PCNT: variants seen among roughly 807,000 people sequenced by gnomAD.
PCNT encodes the protein kendrin.
A neutral mutation model predicts 380.4 loss-of-function variants in PCNT; 319 were observed. The observed-to-expected ratio is 0.84, with a 90% CI of 0.77 to 0.92. The LOEUF is 0.92. PCNT is among the 40% of genes least tolerant of loss of function. The pLI is 0.00. For missense variants in PCNT, 4,400 were observed against 4,255.3 expected, an observed-to-expected ratio of 1.03 and a Z score of -0.95; for synonymous variants, 1,845 against 1,735.2, an observed-to-expected ratio of 1.06 and a Z score of -1.57.
chr21:46,366,638 C>T lies in PCNT; in HGVS notation c.2664C>T (p.Ala888=), dbSNP rs955412232. 6.2e-7 allele frequency: 1 copy of T among 1,614,076 alleles called. No individual in the cohort carries two copies. Among genetic ancestry groups the T allele is most frequent in the Non-Finnish European group, 8.5e-7 (1 of 1,180,008 alleles). ...ITEKFSAEQD[A]FLQEAQEQHA... ...AGAAATTCAGTGCGGAACAAGATGC[C>T]TTCCTGCAGGAGGCCCAGGAGCAGC... Residue 888 remains alanine (A), a synonymous_variant, in exon 15 of 47, where the codon GCC becomes GCT. Coordinates refer to ENST00000359568, the MANE Select transcript of PCNT (RefSeq NM_006031.6).
chr21:46,386,002 C>T lies in PCNT; in HGVS notation c.3464+19C>T, dbSNP rs2085818899. 1.2e-6 allele frequency: 2 copies of T among 1,613,352 alleles called. No homozygotes were observed. The highest frequency in any genetic ancestry group is 1.3e-5 in the African/African-American group (1 of 74,932). On this transcript the variant is annotated intron_variant, in intron 17 of 46. Coordinates refer to ENST00000359568, the MANE Select transcript of PCNT (RefSeq NM_006031.6). ...GCGAAAGGTCAGTGTGTCCTCGGCA[C>T]CGAGGCTGCCTTGTGGCCGCCAGCA...
At chr21:46,349,606 GCAC>G in intron 7 of PCNT, 75 bp from the exon 8 acceptor site, 1 of 1,478,442 alleles carries the variant, frequency 6.8e-7, no homozygotes. Context: ...CGCTCTGGGT[GCAC>G]CATTATTGTC....
chr21:46,415,345 T>G (rs912184181), intron 29 of PCNT, among the ~76,000 whole-genome samples: 2 of 149,746 alleles, frequency 1.3e-5, no homozygotes, highest in African/African-American at 4.9e-5. Flanking sequence ...GGGGCCCTCA[T>G]GACAGGAACG....
chr21:46,418,427 C>G (rs1475199680), intron 31 of PCNT, 121 bp downstream of exon 31: 16 of 712,322 alleles, frequency 2.2e-5, no homozygotes, highest in Non-Finnish European at 3.0e-5. Context: ...ACCTCCACCC[C>G]GGCTCTGCGC....
rs1569278386 is a variant in PCNT, at chr21:46,416,629, G to C, written c.6711G>C (p.Glu2237Asp). 1.3e-6 allele frequency: 2 copies of C among 1,576,110 alleles called. No individual in the cohort carries two copies. Among genetic ancestry groups the C allele is most frequent in the African/African-American group, 2.7e-5 (2 of 73,954 alleles). The change falls in exon 30 of 47, where the codon GAG becomes GAC. Residue 2237 changes from glutamate to aspartate, a missense_variant. Coordinates refer to ENST00000359568, the MANE Select transcript of PCNT (RefSeq NM_006031.6). Reference protein sequence around the residue: ...PEVLRKDWTLEPWPSLPVTPH... With the variant: ...PEVLRKDWTLDPWPSLPVTPH... ...TCCTCAGGAAGGACTGGACCCTGGA[G>C]CCCTGGCCCAGCCTCCCCGTGACAC...
Position 46,431,137 on chromosome 21 carries a change from C to T in PCNT, c.8065-392C>T. On this transcript the variant is annotated intron_variant, in intron 37 of 46. Transcript: ENST00000359568. ...GCAAGCTGGGTGTGTATCTCTGAGC[C>T]TCTGGTGGAGTGATTTTCTGAAGAG... The T allele has an allele frequency of 3.4e-6, 4 of 1,186,628 alleles. No individual in the cohort carries two copies. In the South Asian group the frequency reaches 7.1e-5, roughly 21 times the overall value. The allele number at this position is 1,186,628 out of a possible 1,614,324, so 73.5% of individuals were successfully genotyped here.
intron 3 of PCNT, among the ~76,000 whole-genome samples, chr21:46,344,312 G>T (rs1258116644): frequency 1.3e-5 from 2 of 152,058 alleles, no homozygotes; most frequent in African/African-American, 2.4e-5. Context: ...CTGACCTCAT[G>T]ATCCACCTGC....
chr21:46,326,540 C>T lies in PCNT; in HGVS notation c.218C>T (p.Thr73Ile). 6.2e-7 allele frequency: 1 copy of T among 1,614,162 alleles called. No homozygotes were observed. The highest frequency in any genetic ancestry group is 8.5e-7 in the Non-Finnish European group (1 of 1,180,026). Residue 73 changes from threonine (T) to isoleucine (I), a missense_variant, in exon 2 of 47, where the codon ACA (threonine) becomes ATA (isoleucine). Physicochemically the swap from Thr to Ile is moderately conservative, Grantham distance 89. Coordinates refer to ENST00000359568, the MANE Select transcript of PCNT (RefSeq NM_006031.6). ...GGAGGAGGGGACATTTGCAAAAGCA[C>T]ATCATGTGACGACACCCCTGATGGG... ...LCGGGDICKS[T>I]SCDDTPDGAG...
chr21:46,436,970 T>G lies in PCNT; in HGVS notation c.8997-9T>G. ...GTATGCAACTTTGAGTGCCCATTTA[T>G]TTTTACAGGACAGTTAATGATTGGA... On this transcript the variant is annotated splice_polypyrimidine_tract_variant and intron_variant, in intron 39 of 46. Coordinates refer to ENST00000359568, the MANE Select transcript of PCNT (RefSeq NM_006031.6). 1 of 1,607,768 alleles carries G rather than the reference T, an allele frequency of 6.2e-7. No homozygotes were observed. Among genetic ancestry groups the G allele is most frequent in the Non-Finnish European group, 8.5e-7 (1 of 1,174,192 alleles).
rs538461877 is a variant in PCNT, at chr21:46,356,426, T to C, written c.1937-548T>C. 2.6e-5 allele frequency among the ~76,000 whole-genome samples: 4 copies of C among 152,384 alleles called. No individual in the cohort carries two copies. In the East Asian group the frequency reaches 7.7e-4, roughly 29 times the overall value. ...AGCCACCCCTTGATGCCCATGGTCG[T>C]TGGCACCACTGGTGCCTGGCCAGCA... is the stretch of plus-strand genomic sequence containing the variant. On this transcript the variant is annotated intron_variant, in intron 12 of 46. Coordinates refer to ENST00000359568, the MANE Select transcript of PCNT (RefSeq NM_006031.6).
chr21:46,413,674 C>T (rs1350876352), intron 29 of PCNT, among the ~76,000 whole-genome samples: 1 of 152,204 alleles, frequency 6.6e-6, no homozygotes, highest in African/African-American at 2.4e-5. Context: ...CCCCGTGGGC[C>T]TCACCTCAGC....
In PCNT at chr21:46,436,157, C is replaced by T. The variant is rs1162638783; in HGVS notation, c.8996+9C>T. The T allele has an allele frequency of 1.2e-6, 2 of 1,604,492 alleles. No individual in the cohort carries two copies. The highest frequency in any genetic ancestry group is 1.3e-5 in the African/African-American group (1 of 74,906). ...AGCCAGGCCGTGGACAGGTGTGCAC[C>T]CACGCCACCTGGCGCTCACTGGTCC... is the stretch of plus-strand genomic sequence containing the variant. On this transcript the variant is annotated intron_variant, in intron 39 of 46. Coordinates refer to ENST00000359568, the MANE Select transcript of PCNT (RefSeq NM_006031.6).
At position 46,431,999 on chromosome 21, in the gene PCNT, G is replaced by C. The variant is rs1365531045; in HGVS notation, c.8535G>C (p.Ser2845=). ...AGGAGGTAAGTGCCACACTGAAGTCGACGGTGGAAGCCCTGCACACCCAAA... is the reference window on the plus strand; with the variant it reads ...AGGAGGTAAGTGCCACACTGAAGTCCACGGTGGAAGCCCTGCACACCCAAA... ...REKEVSATLK[S]TVEALHTQKR... The change falls in exon 38 of 47, where the codon TCG becomes TCC. Residue 2845 remains serine (S), a synonymous_variant. Coordinates refer to ENST00000359568, the MANE Select transcript of PCNT (RefSeq NM_006031.6). 2 of 1,613,800 alleles carry C rather than the reference G, an allele frequency of 1.2e-6. No individual in the cohort carries two copies. The highest frequency in any genetic ancestry group is 1.7e-5 in the Admixed American group (1 of 60,012).
At position 46,366,796 on chromosome 21, in the gene PCNT, T is replaced by C; in HGVS notation, c.2822T>C (p.Leu941Pro). 19 of 1,613,788 alleles carry C rather than the reference T, an allele frequency of 1.2e-5. No homozygotes were observed. Among genetic ancestry groups the C allele is most frequent in the Non-Finnish European group, 1.6e-5 (19 of 1,180,042 alleles). ...TCCTTAGAGAGCAAGCAGGGGGCTC[T>C]GCTGGCTGCACGTGTGGCCGAACTG... ...TASLESKQGA[L>P]LAARVAELQT... The change falls in exon 15 of 47, where the codon CTG (leucine) becomes CCG (proline). Residue 941 changes from leucine to proline, a missense_variant. Coordinates refer to ENST00000359568, the MANE Select transcript of PCNT (RefSeq NM_006031.6).
rs905028150 is a variant in PCNT at position 46,355,458 on chromosome 21, C to T, written c.1768C>T (p.Leu590=). 3 of 1,613,826 alleles carry T rather than the reference C, an allele frequency of 1.9e-6. No individual in the cohort carries two copies. The highest frequency in any genetic ancestry group is 2.5e-6 in the Non-Finnish European group (3 of 1,180,024). Residue 590 remains leucine, a synonymous_variant, in exon 12 of 47, where the codon CTG becomes TTG. Transcript: ENST00000359568. ...CCACGTGGTTTCTCTGTAGGAGAGCCTGCCACGCTTCCAGGCGGAGTTAGA... is the reference window on the plus strand; with the variant it reads ...CCACGTGGTTTCTCTGTAGGAGAGCTTGCCACGCTTCCAGGCGGAGTTAGA... The part of the protein sequence containing the change: ...ELEPERHKES[L]PRFQAELEES...
Position 46,331,728 on chromosome 21 carries a change from T to C in PCNT, c.268-2669T>C, listed in dbSNP as rs1379305193. Among the ~76,000 whole-genome samples the C allele has an allele frequency of 2.6e-5, 4 of 151,758 alleles. No individual in the cohort carries two copies. In the East Asian group the frequency reaches 7.7e-4, roughly 29 times the overall value. ...CTACAGTGAGCTATGGTGGCACCAC[T>C]GCACGCCAGCCTGGGCGGCAGAGCA... On this transcript the variant is annotated intron_variant, in intron 2 of 46. Transcript: ENST00000359568.
chr21:46,352,347 G>C (rs1230228257), intron 9 of PCNT, among the ~76,000 whole-genome samples: 1 of 152,156 alleles, frequency 6.6e-6, no homozygotes, highest in Non-Finnish European at 1.5e-5. Flanking sequence ...AGAGCATGTC[G>C]ATTTATCTTC....
At chr21:46,439,499 C>T (rs1393158238) in intron 41 of PCNT, among the ~76,000 whole-genome samples, 1 of 152,216 alleles carries the variant, frequency 6.6e-6, no homozygotes, top group Non-Finnish European at 1.5e-5. Flanking sequence ...TGCACGTCCT[C>T]CCGTACACTC....
rs776521968 is a variant in PCNT, at chr21:46,349,142, G to T, written c.1163G>T (p.Arg388Ile). 3.1e-6 allele frequency: 5 copies of T among 1,614,004 alleles called. No individual in the cohort carries two copies. The highest frequency in any genetic ancestry group is 3.4e-6 in the Non-Finnish European group (4 of 1,179,866). The change falls in exon 7 of 47, where the codon AGA (arginine) becomes ATA (isoleucine). Residue 388 changes from arginine (R) to isoleucine (I), a missense_variant. Physicochemically the swap from Arg to Ile is moderately conservative, Grantham distance 97. Transcript: ENST00000359568. ...TTTCAGAAAGAATTGGCAGAACAGAGAGCTGAGTTGGAGAAGATTTTTCAA... is the reference window on the plus strand; with the variant it reads ...TTTCAGAAAGAATTGGCAGAACAGATAGCTGAGTTGGAGAAGATTTTTCAA... ...NQFQKELAEQ[R>I]AELEKIFQDK...
Sources: gnomAD v4.1 joint callset for allele counts (sites outside exome capture counted in the v4.1 genomes callset) on GRCh38, gnomAD v4.1.1 for gene constraint, MANE v1.5 for transcripts, NCBI Gene and HGNC (gene_info 2026-07-23, HGNC 2026-07-21) for gene names.